The following GMPS variants were observed in gnomAD, a reference collection of about 807,000 sequenced individuals.
GMPS encodes the protein GMP synthase [glutamine-hydrolyzing].
Under a neutral mutation model 77.9 loss-of-function variants are expected in GMPS, and 15 were observed. The observed-to-expected ratio is 0.19, with a 90% CI of 0.13 to 0.30. GMPS has a LOEUF of 0.30. GMPS is among the 10% of genes least tolerant of loss of function. GMPS has a pLI of 1.00. For synonymous variants in GMPS, 224 were observed against 275.9 expected, an observed-to-expected ratio of 0.81 and a Z score of 1.86; for missense variants, 590 against 838.8, an observed-to-expected ratio of 0.70 and a Z score of 3.66.
chr3:155,893,450 A>AT lies in GMPS; in HGVS notation c.28-59dup, dbSNP rs34118890. ...TTTTTGGAGCTGACAGTGATCATTA[A>AT]TTTTTTTTTAAGTACTGTAGCTTTA... On this transcript the variant is annotated intron_variant, in intron 1 of 15. Coordinates refer to ENST00000496455, the MANE Select transcript of GMPS (RefSeq NM_003875.3). The AT allele has an allele frequency of 6.1e-4, 625 of 1,032,422 alleles. 1 individual carries two copies. The highest frequency in any genetic ancestry group is 2.5e-3 in the East Asian group (92 of 37,234). 64.0% of individuals were successfully genotyped at this position (1,032,422 alleles called of 1,614,324 possible).
intron 1 of GMPS, among the ~76,000 whole-genome samples, chr3:155,871,362 G>C (rs894506783): frequency 6.6e-6 from 1 of 152,164 alleles, no homozygotes; most frequent in Non-Finnish European, 1.5e-5. Flanking sequence ...GGGGCCTCCT[G>C]TGCGGCGTTG....
At position 155,938,080 on chromosome 3, in the gene GMPS, G is replaced by A. The variant is rs1414090607; in HGVS notation, c.*388G>A. On this transcript the variant is annotated 3_prime_UTR_variant, in exon 16 of 16. Transcript: ENST00000496455. The stretch of plus-strand genomic sequence containing the variant: ...TGTTAGAAACGCCCATTATTTACCA[G>A]TGTTACTTACTACTTATATATACTT... The A allele has an allele frequency of 7.5e-5, 18 of 239,682 alleles. No homozygotes were observed. The highest frequency in any genetic ancestry group is 1.5e-4 in the Non-Finnish European group (18 of 122,316). The allele number at this position is 239,682 out of a possible 1,614,324, so 14.8% of individuals were successfully genotyped here.
chr3:155,869,940 G>A (rs1178041538), upstream of GMPS, among the ~76,000 whole-genome samples: 4 of 152,272 alleles, frequency 2.6e-5, no homozygotes, highest in Middle Eastern at 3.4e-3. Context: ...CAAGGGGTAG[G>A]TGGAGGGACT....
chr3:155,927,091 A>C (rs1409418478), intron 12 of GMPS, among the ~76,000 whole-genome samples: 1 of 152,108 alleles, frequency 6.6e-6, no homozygotes. Context: ...AGAGCCAGCT[A>C]TTGGGTTAAG....
At chr3:155,899,694 A>G (rs1245130933) in intron 3 of GMPS, among the ~76,000 whole-genome samples, 1 of 152,202 alleles carries the variant, frequency 6.6e-6, no homozygotes, top group Non-Finnish European at 1.5e-5. Flanking sequence ...GTATAATGAC[A>G]TATATCTACC....
intron 1 of GMPS, among the ~76,000 whole-genome samples, chr3:155,890,223 G>T (rs1327527042): frequency 6.6e-6 from 1 of 152,210 alleles, no homozygotes; most frequent in African/African-American, 2.4e-5. Context: ...TCACAGAATT[G>T]AACATTTATT....
rs1446236617 is a variant in GMPS, at chr3:155,941,070, G to A, written c.*3378G>A. The stretch of plus-strand genomic sequence containing the variant: ...ATCCAAGCTTTCTGATTCTCTGCAT[G>A]GAAGAGGAAATGCTCTAGGGCCCTT... On this transcript the variant is annotated 3_prime_UTR_variant, in exon 16 of 16. Coordinates refer to ENST00000496455, the MANE Select transcript of GMPS (RefSeq NM_003875.3). The A allele has an allele frequency of 5.3e-6, 1 of 189,958 alleles. No individual in the cohort carries two copies. Among genetic ancestry groups the A allele is most frequent in the Non-Finnish European group, 1.1e-5 (1 of 90,452 alleles). The allele number at this position is 189,958 out of a possible 1,614,324, so 11.8% of individuals were successfully genotyped here.
At chr3:155,880,150 A>G (rs1186295545) in intron 1 of GMPS, among the ~76,000 whole-genome samples, 1 of 152,164 alleles carries the variant, frequency 6.6e-6, no homozygotes, top group Non-Finnish European at 1.5e-5. Context: ...GCCTCATTCA[A>G]TACATATCAC....
intron 13 of GMPS, 43 bp downstream of exon 13, chr3:155,931,923 G>C: frequency 1.1e-6 from 1 of 876,564 alleles, no homozygotes; most frequent in South Asian, 1.4e-5. Flanking sequence ...TGTAATGGAA[G>C]GATGTATTTC....
At chr3:155,905,197 G>A (rs1754843049) in intron 4 of GMPS, among the ~76,000 whole-genome samples, 1 of 151,870 alleles carries the variant, frequency 6.6e-6, no homozygotes, top group Admixed American at 6.6e-5. Context: ...TAGAGACGGA[G>A]TTTCACCATA....
Position 155,894,684 on chromosome 3 carries a change from TAAAAG to T in GMPS, c.209+988_209+992del, listed in dbSNP as rs1754558103. ...CCAAAATTTAAAATTTTATTTTTCT[TAAAAG>T]AATTGTCTTTCCAGTGTGAAAGTGG... On this transcript the variant is annotated intron_variant, in intron 2 of 15. Coordinates refer to ENST00000496455, the MANE Select transcript of GMPS (RefSeq NM_003875.3). 2.0e-5 allele frequency among the ~76,000 whole-genome samples: 3 copies of T among 152,216 alleles called. 1 individual carries two copies. The South Asian group carries it at 6.2e-4, about 32-fold the overall frequency.
At position 155,938,059 on chromosome 3, in the gene GMPS, A is replaced by G. The variant is rs1298129718; in HGVS notation, c.*367A>G. 1 of 245,838 alleles carries G rather than the reference A, an allele frequency of 4.1e-6. No homozygotes were observed. The highest frequency in any genetic ancestry group is 7.9e-6 in the Non-Finnish European group (1 of 126,300). The allele number at this position is 245,838 out of a possible 1,614,324, so 15.2% of individuals were successfully genotyped here. On this transcript the variant is annotated 3_prime_UTR_variant, in exon 16 of 16. Coordinates refer to ENST00000496455, the MANE Select transcript of GMPS (RefSeq NM_003875.3). Reference sequence around the variant, plus strand: ...TCCTTACCAGTTTCTAAGAACTGTTAGAAACGCCCATTATTTACCAGTGTT... The same window carrying G: ...TCCTTACCAGTTTCTAAGAACTGTTGGAAACGCCCATTATTTACCAGTGTT...
In GMPS at chr3:155,876,946, T is replaced by G. The variant is rs577337147; in HGVS notation, c.27+6049T>G. On this transcript the variant is annotated intron_variant, in intron 1 of 15. Transcript: ENST00000496455. ...CTTGCAAGGGATGTTTCCCAAACCT[T>G]TAAAGCTGCCTGGACATGTGAAGTT... Among the ~76,000 whole-genome samples, 2 of 152,344 alleles carry G rather than the reference T, an allele frequency of 1.3e-5. 1 individual carries two copies. The highest frequency in any genetic ancestry group is 4.8e-5 in the African/African-American group (2 of 41,586).
chr3:155,943,120 A>G lies in GMPS; in HGVS notation c.*5428A>G, dbSNP rs1429935438. The G allele has an allele frequency of 5.7e-6, 1 of 175,698 alleles. No homozygotes were observed. The highest frequency in any genetic ancestry group is 2.4e-5 in the African/African-American group (1 of 42,162). 10.9% of individuals were successfully genotyped at this position (175,698 alleles called of 1,614,324 possible). On this transcript the variant is annotated 3_prime_UTR_variant, in exon 16 of 16. Coordinates refer to ENST00000496455, the MANE Select transcript of GMPS (RefSeq NM_003875.3). Reference sequence around the variant, plus strand: ...GTGGCGCGCGCCTGTAATCCCAGCTACTCGGAAGGCTGAGGTGTGAGAATC... The same window carrying G: ...GTGGCGCGCGCCTGTAATCCCAGCTGCTCGGAAGGCTGAGGTGTGAGAATC...
In GMPS at chr3:155,931,797, A is replaced by G. The variant is rs752003027; in HGVS notation, c.1593A>G (p.Gly531=). 6.3e-6 allele frequency: 10 copies of G among 1,575,458 alleles called. No homozygotes were observed. Among genetic ancestry groups the G allele is most frequent in the Non-Finnish European group, 7.9e-6 (9 of 1,145,796 alleles). ...GTCGTTCCTACAGTTACGTGTGTGG[A>G]ATCTCCAGTAAAGATGAACCTGACT... ...GDCRSYSYVC[G]ISSKDEPDWE... is the part of the protein sequence containing the mutation. Residue 531 remains glycine, a synonymous_variant, in exon 13 of 16, where the codon GGA becomes GGG. Transcript: ENST00000496455.
chr3:155,914,750 T>C (rs986853500), intron 8 of GMPS, among the ~76,000 whole-genome samples, 180 bp downstream of exon 8: 1 of 152,064 alleles, frequency 6.6e-6, no homozygotes, highest in African/African-American at 2.4e-5. Context: ...TTTATGTTTT[T>C]TTGTTGTTGT....
chr3:155,898,018 C>A lies in GMPS; in HGVS notation c.301C>A (p.Leu101Ile), dbSNP rs375668520. 1.2e-6 allele frequency: 2 copies of A among 1,602,594 alleles called. No homozygotes were observed. Among genetic ancestry groups the A allele is most frequent in the Non-Finnish European group, 1.7e-6 (2 of 1,169,858 alleles). ...AATATTCACTATTGGCAAGCCTGTT[C>A]TTGGAATTTGCTATGGTATGCAGGT... The part of the protein sequence containing the change: ...PAIFTIGKPV[L>I]GICYGMQMMN... The change falls in exon 3 of 16, where the codon CTT becomes ATT. Residue 101 changes from leucine (L) to isoleucine (I), a missense_variant. Transcript: ENST00000496455.
chr3:155,931,683 T>TTAAA (rs745576751), intron 12 of GMPS, 82 bp from the exon 13 acceptor site: 38,315 of 394,728 alleles, frequency 0.097, 2,153 homozygotes, highest in Non-Finnish European at 0.12. Context: ...CTTTTTTTTT[T>TTAAA]AAAAAAAAAA....
At chr3:155,886,936 T>C (rs897823009) in intron 1 of GMPS, among the ~76,000 whole-genome samples, 1 of 152,178 alleles carries the variant, frequency 6.6e-6, no homozygotes, top group South Asian at 2.1e-4. Context: ...TCTGCAACTT[T>C]ATGTGACTCA....
Sources: gnomAD v4.1 joint callset for allele counts (sites outside exome capture counted in the v4.1 genomes callset) on GRCh38, gnomAD v4.1.1 for gene constraint, MANE v1.5 for transcripts, NCBI Gene and HGNC (gene_info 2026-07-23, HGNC 2026-07-21) for gene names.